The following SASH1 variants were observed in gnomAD, a reference collection of about 807,000 sequenced individuals.
The protein encoded by SASH1 is SAM and SH3 domain-containing protein 1.
SASH1 carries 44 observed loss-of-function variants against 125.2 expected under a neutral mutation model. The ratio of observed to expected loss-of-function variants is 0.35; its 90% confidence interval spans 0.28 to 0.45. SASH1 has a LOEUF of 0.45. Ranked by LOEUF, SASH1 falls within the 20% of genes least tolerant of loss-of-function variation. The probability of loss-of-function intolerance (pLI) is 1.00; values close to 1 mark genes in which losing one functional copy is unlikely to be tolerated. For synonymous variants in SASH1, 639 were observed against 649.1 expected (o/e 0.98, Z 0.24); for missense variants, 1,426 against 1,614.5 (o/e 0.88, Z 2.00).
chr6:148,548,157 C>A, intron 19 of SASH1, 138 bp from the exon 20 acceptor site: 1 of 753,666 alleles, frequency 1.3e-6, no homozygotes. Context: ...GTCTTGATCT[C>A]TGACACTCAT....
Position 148,342,982 on chromosome 6 carries a change from A to C in SASH1, c.-86A>C, listed in dbSNP as rs1468989522. On this transcript the variant is annotated 5_prime_UTR_variant, in exon 1 of 20. Transcript: ENST00000367467. ...CGGCTCGGTGACGCCGCGGGCGGGGACCCGGCATCCGGGCAGGCTGCGCGC... is the reference window on the plus strand; with the variant it reads ...CGGCTCGGTGACGCCGCGGGCGGGGCCCCGGCATCCGGGCAGGCTGCGCGC... 2.0e-6 allele frequency: 2 copies of C among 1,022,872 alleles called. No individual in the cohort carries two copies. Among genetic ancestry groups the C allele is most frequent in the Admixed American group, 5.7e-5 (1 of 17,464 alleles). The allele number at this position is 1,022,872 out of a possible 1,614,324, so 63.4% of individuals were successfully genotyped here.
the SASH1 span, among the ~76,000 whole-genome samples, chr6:148,208,546 G>C: frequency 6.6e-6 from 1 of 152,150 alleles, no homozygotes; most frequent in Non-Finnish European, 1.5e-5. Context: ...TTGCTTAGCA[G>C]CTGACATCAT....
chr6:148,210,609 G>T, the SASH1 span, among the ~76,000 whole-genome samples: 11 of 152,178 alleles, frequency 7.2e-5, no homozygotes, highest in Non-Finnish European at 1.5e-4. Context: ...TTTTTTCTCT[G>T]TTCCAAGAGA....
At chr6:148,273,758 G>T (rs1779118882) in intron 1 of SASH1, among the ~76,000 whole-genome samples, 1 of 152,208 alleles carries the variant, frequency 6.6e-6, no homozygotes, top group African/African-American at 2.4e-5. Flanking sequence ...CTTCTGGCCT[G>T]GGCTTTGGCA....
intron 1 of SASH1, among the ~76,000 whole-genome samples, chr6:148,303,650 AG>A (rs1780035254): frequency 6.6e-6 from 1 of 151,574 alleles, no homozygotes; most frequent in African/African-American, 2.4e-5. Context: ...TACAGAACTT[AG>A]CTGGGTGGTG....
chr6:148,476,274 CAAAA>C (rs35854127), intron 7 of SASH1, among the ~76,000 whole-genome samples: 9 of 88,144 alleles, frequency 1.0e-4, no homozygotes, highest in Non-Finnish European at 1.6e-4. Flanking sequence ...AAAAGGACAC[CAAAA>C]AAAAAAAAAA....
the SASH1 span, among the ~76,000 whole-genome samples, chr6:148,203,452 C>T: frequency 6.6e-6 from 1 of 152,120 alleles, no homozygotes; most frequent in African/African-American, 2.4e-5. Context: ...GAAAGGAAAA[C>T]TTGGGGAACG....
At chr6:148,407,780 G>A (rs1414939650) in intron 2 of SASH1, among the ~76,000 whole-genome samples, 9 of 151,936 alleles carry the variant, frequency 5.9e-5, no homozygotes, top group South Asian at 2.1e-4. Flanking sequence ...CTACAGGCGC[G>A]CACCACCACA....
intron 8 of SASH1, among the ~76,000 whole-genome samples, chr6:148,507,396 A>G (rs907668912): frequency 7.7e-6 from 1 of 130,082 alleles, no homozygotes; most frequent in Non-Finnish European, 1.8e-5. Flanking sequence ...TTTGAGATGG[A>G]GTCTCGCTCT....
At position 148,440,482 on chromosome 6, in the gene SASH1, CAG is replaced by C; in HGVS notation, c.386+76_386+77del. The C allele has an allele frequency of 4.8e-6, 6 of 1,262,544 alleles. No individual in the cohort carries two copies. The South Asian group carries it at 6.0e-5, about 13-fold the overall frequency. 78.2% of individuals were successfully genotyped at this position (1,262,544 alleles called of 1,614,324 possible). A position where few individuals can be genotyped will look rare whatever the true frequency, so the allele number is the denominator to read the frequency against. ...TAGGTCCATGCTGACGGAAATCAAA[CAG>C]GCGATCATGTGCGTATGTACTATGG... On this transcript the variant is annotated intron_variant, in intron 4 of 19. Transcript: ENST00000367467.
chr6:148,360,408 C>T (rs555537580), intron 1 of SASH1, among the ~76,000 whole-genome samples: 44 of 145,818 alleles, frequency 3.0e-4, no homozygotes, highest in African/African-American at 4.8e-4. Flanking sequence ...AGTGCAGTGG[C>T]GTGATCTTGG....
chr6:148,248,708 A>G, the SASH1 span, among the ~76,000 whole-genome samples: 10 of 152,152 alleles, frequency 6.6e-5, no homozygotes, highest in African/African-American at 2.2e-4. Flanking sequence ...ACTTCCCCCC[A>G]CAAGCCTCAG....
In SASH1 at chr6:148,550,295, C is replaced by T. The variant is rs571363967; in HGVS notation, c.*1737C>T. 60 of 152,260 alleles carry T rather than the reference C, an allele frequency of 3.9e-4. No individual in the cohort carries two copies. The highest frequency in any genetic ancestry group is 1.4e-3 in the African/African-American group (57 of 41,534). 9.4% of individuals were successfully genotyped at this position (152,260 alleles called of 1,614,324 possible). ...GGTCAATCATTTATAATAGAAACAC[C>T]TTGACCACAAGCCCTTGATTGAACA... is the stretch of plus-strand genomic sequence containing the variant. On this transcript the variant is annotated 3_prime_UTR_variant, in exon 20 of 20. Transcript: ENST00000367467.
Position 148,551,396 on chromosome 6 carries a change from G to C in SASH1, c.*2838G>C, listed in dbSNP as rs1156431165. On this transcript the variant is annotated 3_prime_UTR_variant, in exon 20 of 20. Coordinates refer to ENST00000367467, the MANE Select transcript of SASH1 (RefSeq NM_015278.5). ...GGCTCAGGTAGCTACACATAACATTGTGTATGATTTTCACTTCAAAGCTGT... is the reference window on the plus strand; with the variant it reads ...GGCTCAGGTAGCTACACATAACATTCTGTATGATTTTCACTTCAAAGCTGT... The C allele has an allele frequency of 6.6e-6, 1 of 152,606 alleles. No individual in the cohort carries two copies. The highest frequency in any genetic ancestry group is 2.4e-5 in the African/African-American group (1 of 41,448). 9.5% of individuals were successfully genotyped at this position (152,606 alleles called of 1,614,324 possible). A position where few individuals can be genotyped will look rare whatever the true frequency, so the allele number is the denominator to read the frequency against.
intron 4 of SASH1, among the ~76,000 whole-genome samples, chr6:148,445,737 A>C (rs1458983993): frequency 6.6e-6 from 1 of 152,202 alleles, no homozygotes; most frequent in Non-Finnish European, 1.5e-5. Flanking sequence ...GTAGGTCCCA[A>C]GGCTAAACCT....
At chr6:148,205,181 C>T in the SASH1 span, among the ~76,000 whole-genome samples, 2 of 152,266 alleles carry the variant, frequency 1.3e-5, no homozygotes, top group African/African-American at 2.4e-5. Flanking sequence ...TCATTCGCCT[C>T]GCTCGGCAAC....
chr6:148,410,742 A>G (rs1331565634), intron 2 of SASH1, among the ~76,000 whole-genome samples: 2 of 152,228 alleles, frequency 1.3e-5, no homozygotes, highest in Non-Finnish European at 2.9e-5. Flanking sequence ...ATGTTGCTTT[A>G]GATATGAGTG....
At chr6:148,527,404 G>A in intron 11 of SASH1, 49 bp from the exon 12 acceptor site, 1 of 1,514,392 alleles carries the variant, frequency 6.6e-7, no homozygotes, top group Middle Eastern at 1.8e-4. Context: ...AATAAAACCT[G>A]TTCTTCATTT....
At chr6:148,213,925 T>C in the SASH1 span, among the ~76,000 whole-genome samples, 1 of 152,218 alleles carries the variant, frequency 6.6e-6, no homozygotes, top group African/African-American at 2.4e-5. Context: ...AAACTAAATG[T>C]TTCCTAGTCT....
Sources: gnomAD v4.1 joint callset for allele counts (sites outside exome capture counted in the v4.1 genomes callset) on GRCh38, gnomAD v4.1.1 for gene constraint, MANE v1.5 for transcripts, NCBI Gene and HGNC (gene_info 2026-07-23, HGNC 2026-07-21) for gene names.